Variants in LRRTM3 observed in about 807,000 individuals in gnomAD.
The protein encoded by LRRTM3 is leucine-rich repeat transmembrane neuronal protein 3.
LRRTM3 carries 24 observed loss-of-function variants against 44.7 expected under a neutral mutation model. The observed-to-expected ratio is 0.54, with a 90% CI of 0.39 to 0.76. The LOEUF (loss-of-function observed/expected upper bound fraction) is 0.76, where lower values mean the gene tolerates loss of function less well. LRRTM3 is among the 30% of genes least tolerant of loss of function. The pLI, the probability that LRRTM3 is intolerant of heterozygous loss-of-function variation, is 0.00. For missense variants in LRRTM3, 587 were observed against 702.2 expected, an observed-to-expected ratio of 0.84 and a Z score of 1.85; for synonymous variants, 277 against 278.7, an observed-to-expected ratio of 0.99 and a Z score of 0.06.
chr10:67,047,727 T>TATTAA (rs1854841169), intron 2 of LRRTM3, among the ~76,000 whole-genome samples: 6 of 152,220 alleles, frequency 3.9e-5, no homozygotes, highest in African/African-American at 9.6e-5. Flanking sequence ...GTGTAAAAGC[T>TATTAA]ATTACATTAA....
At chr10:66,952,767 G>T (rs754702916) in intron 2 of LRRTM3, among the ~76,000 whole-genome samples, 1 of 151,740 alleles carries the variant, frequency 6.6e-6, no homozygotes. Flanking sequence ...CTTGGTTAGT[G>T]CTTATGTCCT....
At chr10:67,084,237 C>A (rs1857191001) in intron 2 of LRRTM3, among the ~76,000 whole-genome samples, 1 of 151,222 alleles carries the variant, frequency 6.6e-6, no homozygotes, top group Middle Eastern at 3.4e-3. Flanking sequence ...CTTGAGTTAT[C>A]CTCAAATGGT....
In LRRTM3 at chr10:67,005,687, T is replaced by TTTTTTTTTTTTTTG. The variant is rs1554895950; in HGVS notation, c.1536+77248_1536+77249insGTTTTTTTTTTTTT. Among the ~76,000 whole-genome samples, 73 of 102,318 alleles carry TTTTTTTTTTTTTTG rather than the reference T, an allele frequency of 7.1e-4. 5 individuals are homozygous for TTTTTTTTTTTTTTG. Among genetic ancestry groups the TTTTTTTTTTTTTTG allele is most frequent in the African/African-American group, 2.2e-3 (70 of 32,446 alleles). The allele number at this position is 102,318 out of a possible 152,430, so 67.1% of individuals were successfully genotyped here. A position where few individuals can be genotyped will look rare whatever the true frequency, so the allele number is the denominator to read the frequency against. The stretch of plus-strand genomic sequence containing the variant: ...TTTTGTTTATTTTACTCCATCTTTT[T>TTTTTTTTTTTTTTG]TTTTTTTTTTTTTTTTGAGACGGAG... On this transcript the variant is annotated intron_variant, in intron 2 of 2. Coordinates refer to ENST00000361320, the MANE Select transcript of LRRTM3 (RefSeq NM_178011.5).
chr10:67,000,757 C>A (rs1329947589), intron 2 of LRRTM3, among the ~76,000 whole-genome samples: 1 of 152,104 alleles, frequency 6.6e-6, no homozygotes, highest in Admixed American at 6.6e-5. Context: ...CCACACCTGA[C>A]AATTACAATA....
intron 2 of LRRTM3, among the ~76,000 whole-genome samples, chr10:66,976,470 T>C (rs1237702462): frequency 3.3e-5 from 5 of 152,204 alleles, no homozygotes; most frequent in Admixed American, 1.3e-4. Context: ...TCTTTTTCTA[T>C]AGATTACTCC....
intron 2 of LRRTM3, among the ~76,000 whole-genome samples, chr10:66,966,315 A>C (rs1180730164): frequency 6.6e-6 from 1 of 152,102 alleles, no homozygotes; most frequent in African/African-American, 2.4e-5. Context: ...TCTTATTCTC[A>C]TTTTTGATGT....
rs33920200 is a variant in LRRTM3, at chr10:66,965,565, GTT to G, written c.1536+37126_1536+37127del. 0.025 allele frequency among the ~76,000 whole-genome samples: 3,408 copies of G among 134,666 alleles called. 333 individuals carry two copies. In the East Asian group the frequency reaches 0.36, roughly 14 times the overall value. 88.3% of individuals were successfully genotyped at this position (134,666 alleles called of 152,430 possible). ...GAAAGAAAAGAAAAAAAAAAAAGCT[GTT>G]TTTTTTTTTTTTGTAATTAAACCAA... On this transcript the variant is annotated intron_variant, in intron 2 of 2. Transcript: ENST00000361320.
In LRRTM3 at chr10:66,926,354, T is replaced by C. The variant is rs886651189; in HGVS notation, c.-230T>C. On this transcript the variant is annotated 5_prime_UTR_variant, in exon 1 of 3. Transcript: ENST00000361320. ...GAAGATCCTATTACCTAGGAAGATT[T>C]TGATGTTTTGCTGCGAATGCGGTGT... 2.9e-5 allele frequency: 18 copies of C among 616,582 alleles called. No homozygotes were observed. Among genetic ancestry groups the C allele is most frequent in the East Asian group, 1.4e-4 (5 of 36,612 alleles). The allele number at this position is 616,582 out of a possible 1,614,324, so 38.2% of individuals were successfully genotyped here. A position where few individuals can be genotyped will look rare whatever the true frequency, so the allele number is the denominator to read the frequency against.
intron 2 of LRRTM3, among the ~76,000 whole-genome samples, chr10:67,033,925 C>T (rs1033531292): frequency 1.3e-5 from 2 of 152,108 alleles, no homozygotes; most frequent in Admixed American, 6.5e-5. Flanking sequence ...GCTTGCGCTA[C>T]CACACCTAGC....
intron 2 of LRRTM3, among the ~76,000 whole-genome samples, chr10:67,048,814 T>C (rs957212112): frequency 6.6e-6 from 1 of 152,062 alleles, no homozygotes; most frequent in African/African-American, 2.4e-5. Flanking sequence ...CATAACATAA[T>C]AGTAACATGA....
chr10:67,013,634 G>A (rs73326944), intron 2 of LRRTM3, among the ~76,000 whole-genome samples: 2,465 of 152,178 alleles, frequency 0.016, 84 homozygotes, highest in African/African-American at 0.055. Context: ...TGATACAAAA[G>A]TATTAAAAGT....
At chr10:67,011,025 T>C (rs1374176753) in intron 2 of LRRTM3, among the ~76,000 whole-genome samples, 1 of 152,096 alleles carries the variant, frequency 6.6e-6, no homozygotes, top group Non-Finnish European at 1.5e-5. Flanking sequence ...AAATTAAGAT[T>C]ATTTGTCAAC....
At chr10:66,977,419 A>G (rs1459788088) in intron 2 of LRRTM3, among the ~76,000 whole-genome samples, 1 of 127,018 alleles carries the variant, frequency 7.9e-6, no homozygotes, top group African/African-American at 2.9e-5. Flanking sequence ...CTGGCGATAG[A>G]GTGAAACTCT....
chr10:66,954,922 T>C (rs1201840632), intron 2 of LRRTM3, among the ~76,000 whole-genome samples: 1 of 152,130 alleles, frequency 6.6e-6, no homozygotes, highest in Non-Finnish European at 1.5e-5. Flanking sequence ...TTTTGTGCAG[T>C]TTTCTCATAT....
chr10:66,941,149 T>C (rs1847974912), intron 2 of LRRTM3, among the ~76,000 whole-genome samples: 1 of 152,184 alleles, frequency 6.6e-6, no homozygotes, highest in Admixed American at 6.5e-5. Context: ...AGAGACAATA[T>C]TTCCTCAGCT....
intron 2 of LRRTM3, among the ~76,000 whole-genome samples, chr10:66,932,581 G>A (rs567441912): frequency 7.2e-5 from 11 of 152,048 alleles, no homozygotes; most frequent in Non-Finnish European, 1.5e-4. Flanking sequence ...AGGCAGTTGG[G>A]GGAAACAATG....
Position 66,926,929 on chromosome 10 carries a change from G to A in LRRTM3, c.13G>A (p.Val5Ile). Residue 5 changes from valine to isoleucine, a missense_variant, in exon 2 of 3, where the codon GTA becomes ATA. Val to Ile is a conservative substitution (Grantham distance 29, BLOSUM62 3). Coordinates refer to ENST00000361320, the MANE Select transcript of LRRTM3 (RefSeq NM_178011.5). MGFNVIRLLSGSAVA... is the reference protein window; with the variant it reads MGFNIIRLLSGSAVA... ...GTTGTTTTTATTTCCAGGTTTCAATGTAATTAGGCTACTGAGCGGATCAGC... is the reference window on the plus strand; with the variant it reads ...GTTGTTTTTATTTCCAGGTTTCAATATAATTAGGCTACTGAGCGGATCAGC... The A allele has an allele frequency of 1.3e-6, 2 of 1,563,538 alleles. No individual in the cohort carries two copies. The highest frequency in any genetic ancestry group is 2.1e-5 in the Admixed American group (1 of 48,494).
intron 2 of LRRTM3, among the ~76,000 whole-genome samples, chr10:66,979,451 A>T (rs1850285733): frequency 6.6e-6 from 1 of 152,188 alleles, no homozygotes; most frequent in Non-Finnish European, 1.5e-5. Context: ...AAATTTAGTA[A>T]TGTAAGAGTT....
Position 67,005,687 on chromosome 10 carries a change from T to TTTTTTTTTTTTTTTTTG in LRRTM3, c.1536+77236_1536+77252dup, listed in dbSNP as rs1851937239. Among the ~76,000 whole-genome samples, 3 of 102,258 alleles carry TTTTTTTTTTTTTTTTTG rather than the reference T, an allele frequency of 2.9e-5. 1 individual carries two copies. The highest frequency in any genetic ancestry group is 9.3e-5 in the African/African-American group (3 of 32,366). The allele number at this position is 102,258 out of a possible 152,430, so 67.1% of individuals were successfully genotyped here. On this transcript the variant is annotated intron_variant, in intron 2 of 2. Coordinates refer to ENST00000361320, the MANE Select transcript of LRRTM3 (RefSeq NM_178011.5). Reference sequence around the variant, plus strand: ...TTTTGTTTATTTTACTCCATCTTTTTTTTTTTTTTTTTTTTTGAGACGGAG... The same window carrying TTTTTTTTTTTTTTTTTG: ...TTTTGTTTATTTTACTCCATCTTTTTTTTTTTTTTTTTTTTTGTTTTTTTTTTTTTTTTGAGACGGAG...
Sources: allele counts gnomAD v4.1 joint callset (sites outside exome capture counted in the v4.1 genomes callset), GRCh38; gene constraint gnomAD v4.1.1; transcripts MANE v1.5; gene names NCBI Gene and HGNC (gene_info 2026-07-23, HGNC 2026-07-21).